The following SLIT2 variants were observed in gnomAD, a reference collection of about 807,000 sequenced individuals.
SLIT2 encodes slit homolog 2 protein.
In SLIT2, 41 loss-of-function variants were observed where a neutral mutation model predicts 185.7. The observed-to-expected ratio is 0.22, with a 90% CI of 0.17 to 0.29. SLIT2 has a LOEUF of 0.29. SLIT2 is among the 10% of genes least tolerant of loss of function. The pLI, the probability that SLIT2 is intolerant of heterozygous loss-of-function variation, is 1.00. For synonymous variants in SLIT2, 693 were observed against 680.2 expected, an observed-to-expected ratio of 1.02 and a Z score of -0.29; for missense variants, 1,571 against 1,909.0, an observed-to-expected ratio of 0.82 and a Z score of 3.30.
intron 4 of SLIT2, among the ~76,000 whole-genome samples, chr4:20,352,209 A>G (rs1721939816): frequency 6.6e-6 from 1 of 152,176 alleles, no homozygotes; most frequent in African/African-American, 2.4e-5. Flanking sequence ...TGAACTTAAA[A>G]TCATCACTGT....
chr4:20,471,941 G>A (rs986526509), intron 5 of SLIT2, among the ~76,000 whole-genome samples: 1 of 151,416 alleles, frequency 6.6e-6, no homozygotes, highest in Non-Finnish European at 1.5e-5. Flanking sequence ...ATTTTATTTT[G>A]CTACCTTATT....
At chr4:20,479,919 T>C (rs1418727053) in intron 5 of SLIT2, among the ~76,000 whole-genome samples, 1 of 152,220 alleles carries the variant, frequency 6.6e-6, no homozygotes, top group Non-Finnish European at 1.5e-5. Flanking sequence ...GATGTGCCTG[T>C]AGTATATGTT....
chr4:20,259,561 T>G (rs1395920731), intron 3 of SLIT2, among the ~76,000 whole-genome samples: 7 of 151,810 alleles, frequency 4.6e-5, no homozygotes, highest in Admixed American at 4.6e-4. Flanking sequence ...ACAAACTTTC[T>G]CATTCTTTTT....
chr4:20,546,330 A>G (rs1414615106), intron 22 of SLIT2, among the ~76,000 whole-genome samples: 2 of 152,122 alleles, frequency 1.3e-5, no homozygotes, highest in African/African-American at 2.4e-5. Context: ...GCACAAATAC[A>G]ACGAAGTCTG....
rs1308751488 is a variant in SLIT2, at chr4:20,373,185, A to T, written c.396-94567A>T. ...AAATTAGTTTGGCAGCTTAGAACTT[A>T]TTGGAAGAAAAACATCACCTTATTC... On this transcript the variant is annotated intron_variant, in intron 4 of 36. Coordinates refer to ENST00000504154, the MANE Select transcript of SLIT2 (RefSeq NM_004787.4). Among the ~76,000 whole-genome samples, 4 of 152,080 alleles carry T rather than the reference A, an allele frequency of 2.6e-5. No individual in the cohort carries two copies. In the South Asian group the frequency reaches 8.3e-4, roughly 31 times the overall value.
chr4:20,568,229 T>G (rs1014578116), intron 28 of SLIT2, among the ~76,000 whole-genome samples: 2 of 152,112 alleles, frequency 1.3e-5, no homozygotes, highest in African/African-American at 4.8e-5. Context: ...TTTCACTTTT[T>G]AGAAGAAATA....
intron 29 of SLIT2, among the ~76,000 whole-genome samples, chr4:20,571,774 T>C (rs1229744715): frequency 6.6e-6 from 1 of 152,230 alleles, no homozygotes; most frequent in Admixed American, 6.5e-5. Context: ...TTGAAAATTT[T>C]TTATTCTATA....
intron 17 of SLIT2, 60 bp from the exon 18 acceptor site, chr4:20,533,512 T>C: frequency 7.6e-7 from 1 of 1,324,476 alleles, no homozygotes; most frequent in Admixed American, 1.9e-5. Context: ...ATCAACTATG[T>C]TTCAATTCCC....
chr4:20,448,214 A>G (rs1274151975), intron 4 of SLIT2, among the ~76,000 whole-genome samples: 1 of 152,190 alleles, frequency 6.6e-6, no homozygotes, highest in Non-Finnish European at 1.5e-5. Context: ...TAAAGGTACT[A>G]AATATACTGA....
At chr4:20,362,787 G>T (rs77814913) in intron 4 of SLIT2, among the ~76,000 whole-genome samples, 22 of 151,990 alleles carry the variant, frequency 1.4e-4, no homozygotes, top group Non-Finnish European at 3.1e-4. Flanking sequence ...TAATCTCAAA[G>T]ACTTTGCTTT....
intron 29 of SLIT2, chr4:20,569,208 A>T (rs1725356193): frequency 9.0e-6 from 5 of 553,038 alleles, no homozygotes; most frequent in Non-Finnish European, 1.6e-5. Context: ...CTGTTCAAAC[A>T]TACGCATCTA....
intron 3 of SLIT2, among the ~76,000 whole-genome samples, chr4:20,260,660 C>T (rs1244644820): frequency 2.0e-5 from 3 of 151,626 alleles, no homozygotes; most frequent in East Asian, 3.9e-4. Context: ...AGATCTGTAC[C>T]TTTTAAAAAT....
intron 28 of SLIT2, among the ~76,000 whole-genome samples, chr4:20,568,153 C>T (rs1166783687): frequency 6.6e-6 from 1 of 152,050 alleles, no homozygotes; most frequent in Non-Finnish European, 1.5e-5. Context: ...TGAACTGGAG[C>T]TCTTTATTAA....
At chr4:20,458,088 CA>C (rs10672353) in intron 4 of SLIT2, among the ~76,000 whole-genome samples, 18,840 of 112,732 alleles carry the variant, frequency 0.17, 1,333 homozygotes, top group African/African-American at 0.27. Flanking sequence ...ACACATTATG[CA>C]AAAAAAAAAA....
At chr4:20,295,184 A>G (rs1716340329) in intron 4 of SLIT2, among the ~76,000 whole-genome samples, 1 of 152,192 alleles carries the variant, frequency 6.6e-6, no homozygotes, top group Admixed American at 6.5e-5. Context: ...CCTTTCTGCC[A>G]CTGAATTCAT....
intron 4 of SLIT2, among the ~76,000 whole-genome samples, chr4:20,293,531 A>G (rs1208421944): frequency 6.6e-6 from 1 of 152,212 alleles, no homozygotes; most frequent in African/African-American, 2.4e-5. Flanking sequence ...GGTACTAGTG[A>G]TTATCAAGTG....
rs567689161 is a variant in SLIT2, at chr4:20,573,270, C to T, written c.3088+4266C>T. ...AATGAGGTGGAAAAAGGTTAGTTGCCTTTTAAGTCTATTATGATTTTCATT... is the reference window on the plus strand; with the variant it reads ...AATGAGGTGGAAAAAGGTTAGTTGCTTTTTAAGTCTATTATGATTTTCATT... On this transcript the variant is annotated intron_variant, in intron 29 of 36. Coordinates refer to ENST00000504154, the MANE Select transcript of SLIT2 (RefSeq NM_004787.4). 5.5e-5 allele frequency: 39 copies of T among 702,896 alleles called. No individual in the cohort carries two copies. In the South Asian group the frequency reaches 5.8e-4, roughly 10 times the overall value. 43.5% of individuals were successfully genotyped at this position (702,896 alleles called of 1,614,324 possible). A position where few individuals can be genotyped will look rare whatever the true frequency, so the allele number is the denominator to read the frequency against.
At chr4:20,326,341 A>G (rs909922270) in intron 4 of SLIT2, among the ~76,000 whole-genome samples, 1 of 152,014 alleles carries the variant, frequency 6.6e-6, no homozygotes, top group African/African-American at 2.4e-5. Flanking sequence ...TTACACAAGA[A>G]TGTGTAATGA....
chr4:20,400,228 T>C (rs1362404111), intron 4 of SLIT2, among the ~76,000 whole-genome samples: 3 of 151,780 alleles, frequency 2.0e-5, no homozygotes, highest in African/African-American at 7.2e-5. Flanking sequence ...ACTGATATGG[T>C]CAGAGTATGA....
Sources: gnomAD v4.1 joint callset for allele counts (sites outside exome capture counted in the v4.1 genomes callset) on GRCh38, gnomAD v4.1.1 for gene constraint, MANE v1.5 for transcripts, NCBI Gene and HGNC (gene_info 2026-07-23, HGNC 2026-07-21) for gene names.